Variants in UNC13C observed in about 807,000 individuals in gnomAD.
UNC13C encodes protein unc-13 homolog C.
A neutral mutation model predicts 245.4 loss-of-function variants in UNC13C; 174 were observed. That is an observed-to-expected ratio of 0.71 (90% CI 0.63 to 0.80). UNC13C has a LOEUF of 0.80. UNC13C is among the 30% of genes least tolerant of loss of function. The pLI is 0.00. For missense variants in UNC13C, 2,829 were observed against 2,602.9 expected (o/e 1.09, Z -1.89); for synonymous variants, 992 against 895.1 (o/e 1.11, Z -1.93).
intron 30 of UNC13C, among the ~76,000 whole-genome samples, chr15:54,568,544 C>A (rs1179869713): frequency 6.6e-6 from 1 of 151,966 alleles, no homozygotes; most frequent in Non-Finnish European, 1.5e-5. Context: ...TATTACTGTT[C>A]AAAAATTTTT....
intron 2 of UNC13C, among the ~76,000 whole-genome samples, chr15:54,027,897 C>T (rs892340712): frequency 6.6e-6 from 1 of 151,600 alleles, no homozygotes; most frequent in Non-Finnish European, 1.5e-5. Context: ...TACCACAAAG[C>T]TGAAGGGAAT....
chr15:54,199,679 CT>C (rs1259124523), intron 4 of UNC13C, among the ~76,000 whole-genome samples: 1 of 152,070 alleles, frequency 6.6e-6, no homozygotes, highest in Non-Finnish European at 1.5e-5. Flanking sequence ...ACTACAAAGA[CT>C]GTTAGAGGAG....
intron 4 of UNC13C, among the ~76,000 whole-genome samples, chr15:54,175,679 A>AT (rs1259010045): frequency 1.3e-5 from 2 of 151,890 alleles, no homozygotes; most frequent in South Asian, 2.1e-4. Context: ...CGCCCAGCTA[A>AT]TTTTTGTATT....
intron 2 of UNC13C, among the ~76,000 whole-genome samples, chr15:54,130,645 T>G (rs1005839150): frequency 1.3e-5 from 2 of 152,152 alleles, no homozygotes; most frequent in Non-Finnish European, 2.9e-5. Context: ...TATTTCTGTT[T>G]GGTATGAATT....
chr15:53,968,969 A>G, the UNC13C span, among the ~76,000 whole-genome samples: 3 of 152,082 alleles, frequency 2.0e-5, no homozygotes, highest in Non-Finnish European at 2.9e-5. Flanking sequence ...ATCTTTTTGA[A>G]TTTTATCACG....
intron 19 of UNC13C, among the ~76,000 whole-genome samples, chr15:54,421,055 A>G (rs924180934): frequency 2.0e-4 from 31 of 152,050 alleles, no homozygotes; most frequent in African/African-American, 6.5e-4. Context: ...CTTGCTAGGT[A>G]CTGGTTTAAA....
At position 54,300,229 on chromosome 15, in the gene UNC13C, C is replaced by G. The variant is rs756284002; in HGVS notation, c.4124C>G (p.Thr1375Ser). ...CLHENLFHYLTEVKSNGGVKI... is the reference protein window; with the variant it reads ...CLHENLFHYLSEVKSNGGVKI... ...TTTTAGAATCTGTTCCATTACTTGA[C>G]TGAAGTGAAATCTAATGGTGGAGTG... Residue 1375 changes from threonine to serine, a missense_variant, in exon 13 of 33, where the codon ACT (threonine) becomes AGT (serine). Thr to Ser is a moderately conservative substitution (Grantham distance 58). Transcript: ENST00000260323. The G allele has an allele frequency of 1.2e-6, 2 of 1,600,422 alleles. No individual in the cohort carries two copies. The highest frequency in any genetic ancestry group is 3.4e-5 in the Admixed American group (2 of 58,008).
intron 19 of UNC13C, among the ~76,000 whole-genome samples, chr15:54,418,862 T>C (rs1419085332): frequency 6.6e-6 from 1 of 152,132 alleles, no homozygotes; most frequent in Non-Finnish European, 1.5e-5. Context: ...TCAGTGTTAA[T>C]ACCATTGACC....
At chr15:54,466,104 G>A (rs2141034452) in intron 19 of UNC13C, among the ~76,000 whole-genome samples, 1 of 152,052 alleles carries the variant, frequency 6.6e-6, no homozygotes. Context: ...GTCAAATTTT[G>A]CATGTTCTCA....
chr15:53,870,520 C>A, the UNC13C span, among the ~76,000 whole-genome samples: 1 of 150,998 alleles, frequency 6.6e-6, no homozygotes, highest in African/African-American at 2.4e-5. Flanking sequence ...GCAGAAGAGT[C>A]CATGGCCATT....
chr15:54,172,836 A>G (rs1222677515), intron 4 of UNC13C, among the ~76,000 whole-genome samples: 4 of 146,992 alleles, frequency 2.7e-5, no homozygotes, highest in African/African-American at 7.5e-5. Flanking sequence ...GTTTTATTCT[A>G]TGGTGAGCTT....
rs192645318 is a variant in UNC13C at position 54,084,397 on chromosome 15, G to T, written c.2984-58621G>T. Among the ~76,000 whole-genome samples the T allele has an allele frequency of 2.1e-3, 322 of 152,298 alleles. 1 individual carries two copies. Among genetic ancestry groups the T allele is most frequent in the Non-Finnish European group, 3.3e-3 (226 of 68,028 alleles). On this transcript the variant is annotated intron_variant, in intron 2 of 32. Coordinates refer to ENST00000260323, the MANE Select transcript of UNC13C (RefSeq NM_001080534.3). ...GTTGTCTTTATAACTCAGAAATAAT[G>T]GTCGTGAAGACATATCTACCTTGTT...
At chr15:54,210,437 G>A (rs1362778493) in intron 4 of UNC13C, among the ~76,000 whole-genome samples, 1 of 151,810 alleles carries the variant, frequency 6.6e-6, no homozygotes, top group Non-Finnish European at 1.5e-5. Context: ...GCAATGCTAT[G>A]TCAAAATTAC....
At chr15:54,544,194 C>T (rs1339600853) in intron 26 of UNC13C, among the ~76,000 whole-genome samples, 1 of 141,532 alleles carries the variant, frequency 7.1e-6, no homozygotes, top group Non-Finnish European at 1.5e-5. Context: ...CAACTTAAAA[C>T]ACATGATTAT....
chr15:54,540,083 T>C (rs925067335), intron 26 of UNC13C, among the ~76,000 whole-genome samples: 6 of 152,192 alleles, frequency 3.9e-5, no homozygotes, highest in African/African-American at 1.4e-4. Context: ...TAAAAGCCAC[T>C]GCATAGGGGA....
chr15:54,361,343 G>A (rs778600991), intron 17 of UNC13C, among the ~76,000 whole-genome samples: 2 of 151,884 alleles, frequency 1.3e-5, no homozygotes, highest in African/African-American at 2.4e-5. Flanking sequence ...GTTTTTACTT[G>A]TGTAAATACT....
chr15:54,318,640 G>A (rs1325958418), intron 13 of UNC13C, among the ~76,000 whole-genome samples: 2 of 151,840 alleles, frequency 1.3e-5, no homozygotes, highest in African/African-American at 4.8e-5. Flanking sequence ...CTTATCAGAT[G>A]TACAGTTGAC....
At chr15:54,531,095 G>A (rs1453663140) in intron 25 of UNC13C, among the ~76,000 whole-genome samples, 2 of 152,138 alleles carry the variant, frequency 1.3e-5, no homozygotes, top group Non-Finnish European at 2.9e-5. Context: ...GATACATTTC[G>A]CTGACAGGTT....
chr15:54,447,801 C>G (rs1890909210), intron 19 of UNC13C, among the ~76,000 whole-genome samples: 1 of 152,120 alleles, frequency 6.6e-6, no homozygotes, highest in South Asian at 2.1e-4. Context: ...TTAGTTATTT[C>G]TTGCCTTCTG....
Sources: allele counts gnomAD v4.1 joint callset (sites outside exome capture counted in the v4.1 genomes callset), GRCh38; gene constraint gnomAD v4.1.1; transcripts MANE v1.5; gene names NCBI Gene and HGNC (gene_info 2026-07-23, HGNC 2026-07-21).